Variants in PACRG observed in about 807,000 individuals in gnomAD.
PACRG encodes the protein parkin coregulated gene protein.
Under a neutral mutation model 29.7 loss-of-function variants are expected in PACRG, and 29 were observed. The observed-to-expected ratio is 0.98, with a 90% CI of 0.73 to 1.33. The LOEUF is 1.33. PACRG is among the 40% of genes most tolerant of loss of function. PACRG has a pLI of 0.00. For missense variants in PACRG, 279 were observed against 316.2 expected (o/e 0.88, Z 0.89); for synonymous variants, 116 against 118.7 (o/e 0.98, Z 0.15).
intron 1 of PACRG, among the ~76,000 whole-genome samples, chr6:162,790,615 C>T (rs1179291447): frequency 6.6e-6 from 1 of 152,036 alleles, no homozygotes; most frequent in East Asian, 1.9e-4. Context: ...CCCGTACTGC[C>T]CTTTACACAT....
intron 1 of PACRG, among the ~76,000 whole-genome samples, chr6:162,759,363 A>G (rs117790721): frequency 2.6e-5 from 4 of 152,306 alleles, no homozygotes; most frequent in East Asian, 1.9e-4. Context: ...CGTGGCTCAC[A>G]TAACCATGGC....
rs565369035 is a variant in PACRG at position 162,807,866 on chromosome 6, A to T, written c.157-6281A>T. 4.6e-5 allele frequency among the ~76,000 whole-genome samples: 7 copies of T among 152,310 alleles called. No homozygotes were observed. The East Asian group carries it at 1.2e-3, about 25-fold the overall frequency. ...AGCACAATAAACCAAAGTGCAATAA[A>T]ATGAATGTCTCTACGTATCCGTAAC... On this transcript the variant is annotated intron_variant, in intron 1 of 4. Transcript: ENST00000366888.
At chr6:162,750,933 T>G (rs2128279328) in intron 1 of PACRG, among the ~76,000 whole-genome samples, 1 of 152,292 alleles carries the variant, frequency 6.6e-6, no homozygotes. Context: ...TGGTCGTGAG[T>G]TACGTGCTCA....
intron 4 of PACRG, among the ~76,000 whole-genome samples, chr6:163,231,659 C>T (rs1257054020): frequency 6.6e-6 from 1 of 152,190 alleles, no homozygotes; most frequent in Non-Finnish European, 1.5e-5. Context: ...TGACTGCATG[C>T]CTTCCCCAGG....
chr6:163,123,957 A>C (rs1816410279), intron 4 of PACRG, among the ~76,000 whole-genome samples: 1 of 152,204 alleles, frequency 6.6e-6, no homozygotes, highest in Non-Finnish European at 1.5e-5. Flanking sequence ...GGGAGTGCAG[A>C]TGTTTCTTCG....
intron 2 of PACRG, among the ~76,000 whole-genome samples, chr6:162,815,372 T>C (rs554192433): frequency 8.1e-4 from 123 of 150,942 alleles, no homozygotes; most frequent in African/African-American, 2.6e-3. Context: ...TTCCTTCCTG[T>C]ATAGACACAT....
chr6:162,781,720 T>C (rs1784106685), intron 1 of PACRG, among the ~76,000 whole-genome samples: 1 of 151,678 alleles, frequency 6.6e-6, no homozygotes, highest in Non-Finnish European at 1.5e-5. Context: ...AAGTTTAAAA[T>C]GTTTACTCTA....
intron 2 of PACRG, among the ~76,000 whole-genome samples, chr6:163,033,210 A>G (rs555715765): frequency 6.6e-6 from 1 of 152,346 alleles, no homozygotes; most frequent in South Asian, 2.1e-4. Context: ...AACTCTTAGC[A>G]GCTTTTACTT....
chr6:162,745,794 T>G (rs987054930), intron 1 of PACRG, among the ~76,000 whole-genome samples: 1 of 152,194 alleles, frequency 6.6e-6, no homozygotes, highest in African/African-American at 2.4e-5. Flanking sequence ...AGAAGTGTTC[T>G]GCTTAGGGAG....
At chr6:162,845,362 G>T (rs957681641) in intron 2 of PACRG, among the ~76,000 whole-genome samples, 9 of 151,562 alleles carry the variant, frequency 5.9e-5, no homozygotes, top group African/African-American at 2.2e-4. Flanking sequence ...TCATTGCAGT[G>T]TGGCAACAAG....
chr6:163,269,983 GAAAGAAAGAAAGAAAGAAAGAAA>G (rs1783756655), intron 4 of PACRG, among the ~76,000 whole-genome samples: 4 of 100,382 alleles, frequency 4.0e-5, no homozygotes, highest in African/African-American at 1.6e-4. Context: ...AAGAAAGAAA[GAAAGAAAGAAAGAAAGAAAGAAA>G]GGAGGGAGGG....
At chr6:162,737,096 C>A (rs553276047) in intron 1 of PACRG, among the ~76,000 whole-genome samples, 1 of 152,048 alleles carries the variant, frequency 6.6e-6, no homozygotes. Flanking sequence ...TCTTAAAACC[C>A]CAATCAAGGT....
intron 2 of PACRG, among the ~76,000 whole-genome samples, chr6:163,037,866 T>C (rs2031436): frequency 0.55 from 84,298 of 152,096 alleles, 25,812 homozygotes; most frequent in East Asian, 0.96. Flanking sequence ...GCACTCCCTC[T>C]GGCTTCCCTA....
intron 2 of PACRG, among the ~76,000 whole-genome samples, chr6:163,033,231 A>C (rs1807835128): frequency 1.3e-5 from 2 of 152,220 alleles, no homozygotes; most frequent in South Asian, 2.1e-4. Flanking sequence ...TTGATGAAAA[A>C]CCTGGTTAGT....
intron 1 of PACRG, among the ~76,000 whole-genome samples, chr6:162,808,442 C>T (rs1216694780): frequency 6.6e-6 from 1 of 152,076 alleles, no homozygotes; most frequent in Non-Finnish European, 1.5e-5. Flanking sequence ...TTTTAAACAG[C>T]TTCAGTTTAT....
chr6:162,956,930 T>C (rs1035851758), intron 2 of PACRG, among the ~76,000 whole-genome samples: 3 of 152,142 alleles, frequency 2.0e-5, no homozygotes, highest in Non-Finnish European at 2.9e-5. Context: ...TGGAGTATAT[T>C]TCTTTGTATC....
intron 3 of PACRG, among the ~76,000 whole-genome samples, chr6:163,069,274 C>A (rs1694078579): frequency 7.8e-6 from 1 of 128,904 alleles, no homozygotes; most frequent in Non-Finnish European, 1.6e-5. Context: ...TCCAGGAAAA[C>A]ATGAACTCAC....
chr6:162,955,897 C>T (rs1177374565), intron 2 of PACRG, among the ~76,000 whole-genome samples: 1 of 152,138 alleles, frequency 6.6e-6, no homozygotes, highest in Non-Finnish European at 1.5e-5. Context: ...CTGGCAACAG[C>T]CTTGTACGTG....
chr6:163,239,289 A>G (rs1230121553), intron 4 of PACRG, among the ~76,000 whole-genome samples: 5 of 152,196 alleles, frequency 3.3e-5, no homozygotes, highest in African/African-American at 9.7e-5. Context: ...TAAGTTTCCA[A>G]GTAGTATATT....
Sources: gnomAD v4.1 joint callset for allele counts (sites outside exome capture counted in the v4.1 genomes callset) on GRCh38, gnomAD v4.1.1 for gene constraint, MANE v1.5 for transcripts, NCBI Gene and HGNC (gene_info 2026-07-23, HGNC 2026-07-21) for gene names.